ARHGEF17: variants seen among roughly 807,000 people sequenced by gnomAD.
ARHGEF17 encodes the protein Rho guanine nucleotide exchange factor 17, also known as 164 kDa Rho-specific guanine-nucleotide exchange factor.
A neutral mutation model predicts 174.0 loss-of-function variants in ARHGEF17; 80 were observed. That is an observed-to-expected ratio of 0.46 (90% CI 0.38 to 0.55). ARHGEF17 has a LOEUF of 0.55. Ranked by LOEUF, ARHGEF17 falls within the 20% of genes least tolerant of loss-of-function variation. ARHGEF17 has a pLI of 0.00. For missense variants in ARHGEF17, 2,886 were observed against 2,839.7 expected (o/e 1.02, Z -0.37); for synonymous variants, 1,311 against 1,189.1 (o/e 1.10, Z -2.11).
At chr11:73,319,740 G>A (rs558462414) in intron 1 of ARHGEF17, among the ~76,000 whole-genome samples, 37 of 152,296 alleles carry the variant, frequency 2.4e-4, no homozygotes, top group Middle Eastern at 3.4e-3. Context: ...GGGGACACAC[G>A]GGGAAAACTT....
intron 1 of ARHGEF17, among the ~76,000 whole-genome samples, chr11:73,313,290 A>G (rs955926394): frequency 6.0e-5 from 9 of 151,044 alleles, no homozygotes; most frequent in Non-Finnish European, 1.2e-4. Flanking sequence ...GTGCCCCTGA[A>G]CTCCAGTGCC....
rs1565193733 is a variant in ARHGEF17, at chr11:73,329,360, TA to T, written c.3193-17522del. Among the ~76,000 whole-genome samples the T allele has an allele frequency of 5.7e-3, 114 of 19,932 alleles. 18 individuals carry two copies. Among genetic ancestry groups the T allele is most frequent in the African/African-American group, 7.2e-3 (28 of 3,864 alleles). The allele number at this position is 19,932 out of a possible 152,430, so 13.1% of individuals were successfully genotyped here. A position where few individuals can be genotyped will look rare whatever the true frequency, so the allele number is the denominator to read the frequency against. ...ATATATATATATATATATATATATA[TA>T]TATATATATATATTTTTTTTTTTTT... is the stretch of plus-strand genomic sequence containing the variant. On this transcript the variant is annotated intron_variant, in intron 1 of 20. Transcript: ENST00000263674.
intron 1 of ARHGEF17, among the ~76,000 whole-genome samples, chr11:73,316,307 G>A (rs1463421604): frequency 6.6e-6 from 1 of 152,228 alleles, no homozygotes; most frequent in Non-Finnish European, 1.5e-5. Flanking sequence ...TGAGCAATAA[G>A]ACATGTCAGG....
intron 2 of ARHGEF17, among the ~76,000 whole-genome samples, chr11:73,347,794 G>C (rs528445994): frequency 6.6e-6 from 1 of 152,340 alleles, no homozygotes; most frequent in South Asian, 2.1e-4. Context: ...GAAGGTGGGT[G>C]GCAGAAGAGG....
chr11:73,353,093 C>A, intron 3 of ARHGEF17, 81 bp downstream of exon 3: 1 of 1,525,640 alleles, frequency 6.6e-7, no homozygotes. Context: ...ACCCCACCCC[C>A]ACCCATCCCA....
intron 1 of ARHGEF17, among the ~76,000 whole-genome samples, chr11:73,331,756 T>A (rs1865207252): frequency 6.6e-6 from 1 of 152,086 alleles, no homozygotes; most frequent in South Asian, 2.1e-4. Flanking sequence ...ATAGAGGTGG[T>A]CACCTGGGCT....
chr11:73,311,479 G>T lies in ARHGEF17; in HGVS notation c.2841G>T (p.Leu947=), dbSNP rs1195525136. 2 of 1,613,202 alleles carry T rather than the reference G, an allele frequency of 1.2e-6. No homozygotes were observed. Among genetic ancestry groups the T allele is most frequent in the Admixed American group, 1.7e-5 (1 of 60,032 alleles). Residue 947 remains leucine, a synonymous_variant, in exon 1 of 21, where the codon CTG becomes CTT. Coordinates refer to ENST00000263674, the MANE Select transcript of ARHGEF17 (RefSeq NM_014786.4). ...DEGSQDQTGS[L]SRARPSSRHV... ...GCAGTCAGGACCAGACTGGCAGCCT[G>T]TCTCGGGCCCGGCCCTCCTCCAGAC...
At chr11:73,363,635 G>T (rs1403148420) in intron 15 of ARHGEF17, 112 bp from the exon 16 acceptor site, 4 of 1,507,320 alleles carry the variant, frequency 2.7e-6, no homozygotes, top group Middle Eastern at 3.5e-4. Context: ...TCAGTACCTT[G>T]GGCAGGCACC....
intron 2 of ARHGEF17, among the ~76,000 whole-genome samples, chr11:73,347,383 G>T (rs1026462163): frequency 6.6e-6 from 1 of 152,176 alleles, no homozygotes; most frequent in African/African-American, 2.4e-5. Flanking sequence ...GAATAAGAGA[G>T]CCCAGCCCCT....
At position 73,352,866 on chromosome 11, in the gene ARHGEF17, G is replaced by A. The variant is rs377281978; in HGVS notation, c.3307G>A (p.Val1103Met). Residue 1103 changes from valine (V) to methionine (M), a missense_variant, in exon 3 of 21, where the codon GTG becomes ATG. Val to Met is a conservative substitution (Grantham distance 21, BLOSUM62 1). Transcript: ENST00000263674. The part of the protein sequence containing the change: ...MQPLKQPENS[V>M]LCDPSLVDEI... ...GCCGCTGAAGCAGCCAGAGAACTCC[G>A]TGCTCTGTGACCCTTCACTGGTGGA... is the stretch of plus-strand genomic sequence containing the variant. 192 of 1,613,988 alleles carry A rather than the reference G, an allele frequency of 1.2e-4. No individual in the cohort carries two copies. Among genetic ancestry groups the A allele is most frequent in the East Asian group, 2.7e-4 (12 of 44,888 alleles).
chr11:73,339,377 T>C (rs948891990), intron 1 of ARHGEF17, among the ~76,000 whole-genome samples: 7 of 152,268 alleles, frequency 4.6e-5, no homozygotes, highest in African/African-American at 1.7e-4. Context: ...ATGACTGTCA[T>C]TGATCTGTTC....
At chr11:73,329,973 A>G (rs571197547) in intron 1 of ARHGEF17, among the ~76,000 whole-genome samples, 7 of 152,338 alleles carry the variant, frequency 4.6e-5, no homozygotes, top group Non-Finnish European at 8.8e-5. Flanking sequence ...TATCTTCCCA[A>G]TCTGATAGGT....
Position 73,365,983 on chromosome 11 carries a change from T to C in ARHGEF17, c.5995+36T>C. The C allele has an allele frequency of 6.3e-7, 1 of 1,580,224 alleles. No individual in the cohort carries two copies. The highest frequency in any genetic ancestry group is 1.1e-5 in the South Asian group (1 of 89,746). The stretch of plus-strand genomic sequence containing the variant: ...GCATCATACCCCAAGCTAGGGATCA[T>C]GGACATTTGGTTTAGGACTCCCCAC... On this transcript the variant is annotated intron_variant, in intron 20 of 20. Coordinates refer to ENST00000263674, the MANE Select transcript of ARHGEF17 (RefSeq NM_014786.4). This position sits in a 1 kb window ranked among gnomAD's most constrained non-coding sequence, Gnocchi z 4.9.
intron 1 of ARHGEF17, among the ~76,000 whole-genome samples, chr11:73,324,678 T>A (rs776806139): frequency 6.6e-6 from 1 of 152,194 alleles, no homozygotes; most frequent in Non-Finnish European, 1.5e-5. Flanking sequence ...CCAGAACCCG[T>A]GCTTAGGCCC....
At position 73,359,732 on chromosome 11, in the gene ARHGEF17, C is replaced by T. The variant is rs1345895420; in HGVS notation, c.4088-102C>T. 4.8e-6 allele frequency: 5 copies of T among 1,032,898 alleles called. No homozygotes were observed. The East Asian group carries it at 1.1e-4, about 23-fold the overall frequency. The allele number at this position is 1,032,898 out of a possible 1,614,324, so 64.0% of individuals were successfully genotyped here. ...TATGCTTTCGGTTTGTCAGGTCTCT[C>T]CCCGGCCCAGCTGCAGGCTATGCAG... On this transcript the variant is annotated intron_variant, in intron 9 of 20. Coordinates refer to ENST00000263674, the MANE Select transcript of ARHGEF17 (RefSeq NM_014786.4).
chr11:73,358,317 G>A (rs1192508963), intron 9 of ARHGEF17, among the ~76,000 whole-genome samples: 3 of 152,152 alleles, frequency 2.0e-5, no homozygotes. Flanking sequence ...GAACTGCAAG[G>A]GGCCTGTGCC....
chr11:73,326,896 A>G (rs374481668), intron 1 of ARHGEF17, among the ~76,000 whole-genome samples: 153 of 152,206 alleles, frequency 1.0e-3, no homozygotes, highest in African/African-American at 3.6e-3. Context: ...AGCTTTCAGG[A>G]CTCAGTCAGG....
intron 3 of ARHGEF17, among the ~76,000 whole-genome samples, chr11:73,354,406 A>G (rs895876216): frequency 1.3e-5 from 2 of 152,170 alleles, no homozygotes; most frequent in African/African-American, 4.8e-5. Flanking sequence ...AGGCAGGGGC[A>G]CTTGGCACCT....
intron 5 of ARHGEF17, 45 bp downstream of exon 5, chr11:73,355,998 TG>T (rs765775602): frequency 1.4e-5 from 23 of 1,610,728 alleles, no homozygotes; most frequent in Non-Finnish European, 1.7e-5. Context: ...CCTGGAAGCA[TG>T]GGGGGATACA....
Sources: gnomAD v4.1 joint callset for allele counts (sites outside exome capture counted in the v4.1 genomes callset) on GRCh38, gnomAD v4.1.1 for gene constraint, Gnocchi (gnomAD v3.1) non-coding constraint, MANE v1.5 for transcripts, NCBI Gene and HGNC (gene_info 2026-07-23, HGNC 2026-07-21) for gene names.